The following MCM3AP variants were observed in gnomAD, a reference collection of about 807,000 sequenced individuals.
The protein encoded by MCM3AP is minichromosome maintenance complex component 3 associated protein.
Under a neutral mutation model 184.1 loss-of-function variants are expected in MCM3AP, and 126 were observed. That is an observed-to-expected ratio of 0.68 (90% CI 0.59 to 0.79). MCM3AP has a LOEUF of 0.79. Ranked by LOEUF, MCM3AP falls within the 30% of genes least tolerant of loss-of-function variation. MCM3AP has a pLI of 0.00. For synonymous variants in MCM3AP, 1,002 were observed against 979.3 expected, an observed-to-expected ratio of 1.02 and a Z score of -0.43; for missense variants, 2,496 against 2,479.2, an observed-to-expected ratio of 1.01 and a Z score of -0.14.
intron 21 of MCM3AP, 59 bp downstream of exon 21, chr21:46,246,569 A>G (rs2080774035): frequency 1.3e-6 from 2 of 1,594,710 alleles, no homozygotes; most frequent in South Asian, 2.2e-5. Flanking sequence ...CCTCAGACCC[A>G]GGGCCTCCAC....
intron 10 of MCM3AP, chr21:46,266,429 G>T: frequency 2.8e-6 from 1 of 355,540 alleles, no homozygotes; most frequent in Non-Finnish European, 5.1e-6. Context: ...CTAATTTTCT[G>T]AGGACAGAAC....
rs537164216 is a variant in MCM3AP, at chr21:46,264,132, G to A, written c.3320C>T (p.Ala1107Val). 5.0e-6 allele frequency: 8 copies of A among 1,613,628 alleles called. No homozygotes were observed. In the South Asian group the frequency reaches 6.6e-5, roughly 13 times the overall value. The change falls in exon 13 of 28, where the codon GCA becomes GTA. Residue 1107 changes from alanine to valine, a missense_variant. Coordinates refer to ENST00000291688, the MANE Select transcript of MCM3AP (RefSeq NM_003906.5). Reference protein sequence around the residue: ...EEVGSAGAAYAAAALGVSNAA... With the variant: ...EEVGSAGAAYVAAALGVSNAA... ...TGCCACTCACCCCAGGGCGGCAGCT[G>A]CGTAGGCAGCACCCGCAGAGCCAAC...
At chr21:46,262,905 C>T (rs1431562483) in intron 13 of MCM3AP, among the ~76,000 whole-genome samples, 3 of 140,068 alleles carry the variant, frequency 2.1e-5, no homozygotes, top group East Asian at 2.4e-4. Context: ...GGGGCGGAGC[C>T]TGCAGTGAGC....
chr21:46,285,237 G>C lies in MCM3AP; in HGVS notation c.50C>G (p.Ala17Gly), dbSNP rs1394685930. The change falls in exon 1 of 28, where the codon GCG (alanine) becomes GGG (glycine). Residue 17 changes from alanine (A) to glycine (G), a missense_variant. Physicochemically the swap from Ala to Gly is moderately conservative, Grantham distance 60. This residue lies in a region of MCM3AP where 800 missense variants were observed against 717.1 expected (regional missense o/e 1.12). Coordinates refer to ENST00000291688, the MANE Select transcript of MCM3AP (RefSeq NM_003906.5). ...FSGQQPSAFS[A>G]SSSNVGTLPS... ...AAGTGTTCCTACATTACTAGAAGAC[G>C]CCGAAAAAGCACTAGGCTGCTGCCC... 33 of 1,614,008 alleles carry C rather than the reference G, an allele frequency of 2.0e-5. No homozygotes were observed. Among genetic ancestry groups the C allele is most frequent in the Non-Finnish European group, 2.5e-5 (29 of 1,179,988 alleles).
intron 17 of MCM3AP, 124 bp downstream of exon 17, chr21:46,256,665 C>T: frequency 8.2e-7 from 1 of 1,224,466 alleles, no homozygotes; most frequent in Non-Finnish European, 1.1e-6. Flanking sequence ...CTCCAGGCTT[C>T]ACCTATCTTC....
At chr21:46,283,900 C>T (rs979151490) in intron 1 of MCM3AP, 62 bp from the exon 2 acceptor site, 3 of 1,559,806 alleles carry the variant, frequency 1.9e-6, no homozygotes, top group Admixed American at 1.7e-5. Flanking sequence ...GAGGCACCAA[C>T]TGTGTCGAAG....
chr21:46,263,279 A>G (rs1013901886), intron 13 of MCM3AP, among the ~76,000 whole-genome samples: 3 of 150,966 alleles, frequency 2.0e-5, no homozygotes, highest in Non-Finnish European at 4.4e-5. Flanking sequence ...GCAGTGAGCC[A>G]AGATTGTGCC....
intron 13 of MCM3AP, among the ~76,000 whole-genome samples, chr21:46,261,646 T>C (rs569545872): frequency 6.6e-6 from 1 of 151,162 alleles, no homozygotes; most frequent in Non-Finnish European, 1.5e-5. Flanking sequence ...GGCAGAAGAA[T>C]TGCTCGGACC....
Position 46,272,782 on chromosome 21 carries a change from A to C in MCM3AP, c.2244T>G (p.Ile748Met), listed in dbSNP as rs2081198169. 1 of 1,612,248 alleles carries C rather than the reference A, an allele frequency of 6.2e-7. No homozygotes were observed. The change falls in exon 8 of 28, where the codon ATT becomes ATG. Residue 748 changes from isoleucine to methionine, a missense_variant. Physicochemically the swap from Ile to Met is conservative, Grantham distance 10 (BLOSUM62 1). This residue lies in a region of MCM3AP where 105 missense variants were observed against 97.1 expected (regional missense o/e 1.08). Coordinates refer to ENST00000291688, the MANE Select transcript of MCM3AP (RefSeq NM_003906.5). ...GGATGTGAAACCGGGTGCACTTCTC[A>C]ATCAGGGACACCGTCAGGGGGTCAC... The part of the protein sequence containing the change: ...HLCDPLTVSL[I>M]EKCTRFHIHC...
In MCM3AP at chr21:46,251,212, T is replaced by TCATCTTTATACTTCTTTTA. The variant is rs1318135628; in HGVS notation, c.4290+298_4290+316dup. ...GCAAGAGCATGGATGGCTCTTATCA[T>TCATCTTTATACTTCTTTTA]CATCTTTATACTTCTTTTACATTTC... On this transcript the variant is annotated intron_variant, in intron 20 of 27. Coordinates refer to ENST00000291688, the MANE Select transcript of MCM3AP (RefSeq NM_003906.5). 6.4e-5 allele frequency: 12 copies of TCATCTTTATACTTCTTTTA among 187,604 alleles called. No homozygotes were observed. The East Asian group carries it at 1.5e-3, about 23-fold the overall frequency. 11.6% of individuals were successfully genotyped at this position (187,604 alleles called of 1,614,324 possible). A position where few individuals can be genotyped will look rare whatever the true frequency, so the allele number is the denominator to read the frequency against.
rs2081315619 is a variant in MCM3AP, at chr21:46,280,283, A to T, written c.1523-146T>A. 9.0e-6 allele frequency: 9 copies of T among 1,002,354 alleles called. No homozygotes were observed. In the East Asian group the frequency reaches 2.2e-4, roughly 25 times the overall value. 62.1% of individuals were successfully genotyped at this position (1,002,354 alleles called of 1,614,324 possible). A position where few individuals can be genotyped will look rare whatever the true frequency, so the allele number is the denominator to read the frequency against. ...CCCAAGGAAATAACTGTGAGATGCA[A>T]ATCCACTGAGAGCCAGCCTCCTCCA... On this transcript the variant is annotated intron_variant, in intron 3 of 27. Transcript: ENST00000291688.
intron 13 of MCM3AP, among the ~76,000 whole-genome samples, chr21:46,263,223 G>A (rs1446629834): frequency 1.3e-5 from 2 of 151,828 alleles, no homozygotes; most frequent in African/African-American, 2.4e-5. Flanking sequence ...CCAGCTACTC[G>A]GGAGGCTGAG....
In MCM3AP at chr21:46,260,778, C is replaced by G; in HGVS notation, c.3581+15G>C. ...TCACTCTCCTGGCACAGCAAGACACCAGCGTTTCACTTACTTCAACTCCTG... is the reference window on the plus strand; with the variant it reads ...TCACTCTCCTGGCACAGCAAGACACGAGCGTTTCACTTACTTCAACTCCTG... On this transcript the variant is annotated intron_variant, in intron 15 of 27. Coordinates refer to ENST00000291688, the MANE Select transcript of MCM3AP (RefSeq NM_003906.5). 6.3e-7 allele frequency: 1 copy of G among 1,577,634 alleles called. No homozygotes were observed. Among genetic ancestry groups the G allele is most frequent in the South Asian group, 1.1e-5 (1 of 90,316 alleles).
At chr21:46,282,184 A>G (rs1036629214) in intron 2 of MCM3AP, among the ~76,000 whole-genome samples, 3 of 152,184 alleles carry the variant, frequency 2.0e-5, no homozygotes, top group South Asian at 2.1e-4. Flanking sequence ...AATTAAAACT[A>G]AAAACAAATT....
intron 26 of MCM3AP, among the ~76,000 whole-genome samples, chr21:46,239,387 C>T (rs1184720418): frequency 2.0e-5 from 3 of 152,182 alleles, no homozygotes; most frequent in Non-Finnish European, 4.4e-5. Context: ...GCTTGAGCCA[C>T]GTGGTGGCCA....
At chr21:46,275,726 C>G (rs1488647095) in intron 5 of MCM3AP, among the ~76,000 whole-genome samples, 2 of 152,148 alleles carry the variant, frequency 1.3e-5, no homozygotes, top group African/African-American at 4.8e-5. Context: ...AGGATGTTTA[C>G]TAAAAGGATT....
In MCM3AP at chr21:46,284,221, C is replaced by T; in HGVS notation, c.1066G>A (p.Gly356Ser). The change falls in exon 1 of 28, where the codon GGC becomes AGC. Residue 356 changes from glycine to serine, a missense_variant. By Grantham distance (56) the Gly-to-Ser change is moderately conservative. Coordinates refer to ENST00000291688, the MANE Select transcript of MCM3AP (RefSeq NM_003906.5). Reference sequence around the variant, plus strand: ...GTTTCCTTTTTGGCCTCCTTGTTGCCCAGACGACCTACTTCCTTATTGCTT... The same window carrying T: ...GTTTCCTTTTTGGCCTCCTTGTTGCTCAGACGACCTACTTCCTTATTGCTT... Reference protein sequence around the residue: ...FKSNKEVGRLGNKEAKKETGF... With the variant: ...FKSNKEVGRLSNKEAKKETGF... 1 of 1,614,174 alleles carries T rather than the reference C, an allele frequency of 6.2e-7. No homozygotes were observed.
intron 9 of MCM3AP, chr21:46,267,639 CCAG>C (rs1730077197): frequency 1.3e-5 from 2 of 153,278 alleles, no homozygotes; most frequent in Admixed American, 1.3e-4. Context: ...ACCTGTAATC[CCAG>C]CACTTTGGGA....
intron 19 of MCM3AP, chr21:46,253,439 G>A (rs1315730972): frequency 9.9e-5 from 15 of 152,238 alleles, no homozygotes; most frequent in Non-Finnish European, 4.4e-5. Flanking sequence ...CAAATCTCAT[G>A]TTGAACTGTA....
Sources: allele counts gnomAD v4.1 joint callset (sites outside exome capture counted in the v4.1 genomes callset), GRCh38; gene constraint gnomAD v4.1.1; regional missense constraint gnomAD v4.1.1; transcripts MANE v1.5; gene names NCBI Gene and HGNC (gene_info 2026-07-23, HGNC 2026-07-21).